The following DISP1 variants were observed in gnomAD, a reference collection of about 807,000 sequenced individuals.
The protein encoded by DISP1 is dispatched RND transporter family member 1, also known as protein dispatched homolog 1.
Under a neutral mutation model 37.3 loss-of-function variants are expected in DISP1, and 30 were observed. The observed-to-expected ratio is 0.80, with a 90% CI of 0.60 to 1.09. DISP1 has a LOEUF of 1.09. Among genes scored for constraint, DISP1 ranks in the 50% least tolerant of loss-of-function variants. The pLI, the probability that DISP1 is intolerant of heterozygous loss-of-function variation, is 0.00. For synonymous variants in DISP1, 634 were observed against 690.2 expected, an observed-to-expected ratio of 0.92 and a Z score of 1.28; for missense variants, 1,598 against 1,879.5, an observed-to-expected ratio of 0.85 and a Z score of 2.77.
At chr1:222,976,087 T>G (rs1391646132) in intron 3 of DISP1, among the ~76,000 whole-genome samples, 1 of 152,152 alleles carries the variant, frequency 6.6e-6, no homozygotes, top group Admixed American at 6.5e-5. Flanking sequence ...CACTGAAGAT[T>G]ATTGCTGCTT....
Position 223,004,527 on chromosome 1 carries a change from GTTGCCGTCGGCTTGTCTGTAGACT to G in DISP1, c.3139_3162del (p.Gly1047_Val1054del). ...TGTGTTGGAATCTGTCACCATTTCG[GTTGCCGTCGGCTTGTCTGTAGACT>G]TTGCCGTCCATTATGGGGTTGCCTA... On this transcript the variant is annotated inframe_deletion, in exon 9 of 9. Coordinates refer to ENST00000675850, the MANE Select transcript of DISP1 (RefSeq NM_001377229.1). The surrounding 1 kb of genome is among the most constrained non-coding windows in gnomAD (Gnocchi z 4.9). The G allele has an allele frequency of 6.2e-7, 1 of 1,614,200 alleles. No homozygotes were observed. Among genetic ancestry groups the G allele is most frequent in the Non-Finnish European group, 8.5e-7 (1 of 1,180,048 alleles).
At chr1:222,831,184 T>C (rs114089786) in intron 1 of DISP1, 455 of 152,356 alleles carry the variant, frequency 3.0e-3, no homozygotes, top group African/African-American at 0.01. Flanking sequence ...TTAATGGTTC[T>C]TTTAAAAACT....
At chr1:222,885,225 T>G (rs1251159893) in intron 1 of DISP1, among the ~76,000 whole-genome samples, 1 of 152,228 alleles carries the variant, frequency 6.6e-6, no homozygotes, top group Non-Finnish European at 1.5e-5. Flanking sequence ...CATTTGTTTA[T>G]GTAAGTATGG....
chr1:222,908,869 TAA>T (rs879270761), intron 1 of DISP1, among the ~76,000 whole-genome samples: 4 of 144,386 alleles, frequency 2.8e-5, no homozygotes, highest in Non-Finnish European at 3.1e-5. Context: ...ACTCTTTCAT[TAA>T]AAAAAAAAAA....
chr1:222,874,865 C>G (rs892140871), intron 1 of DISP1, among the ~76,000 whole-genome samples: 1 of 152,262 alleles, frequency 6.6e-6, no homozygotes, highest in African/African-American at 2.4e-5. Flanking sequence ...TTTTTCTCCT[C>G]TGTTTTTTCC....
chr1:222,842,967 G>A (rs889929489), intron 1 of DISP1, among the ~76,000 whole-genome samples: 9 of 152,010 alleles, frequency 5.9e-5, no homozygotes, highest in African/African-American at 9.6e-5. Context: ...TAGTTCATTC[G>A]TAGTTAATAA....
chr1:222,830,771 G>A (rs1455999529), intron 1 of DISP1, among the ~76,000 whole-genome samples: 2 of 152,196 alleles, frequency 1.3e-5, no homozygotes, highest in Admixed American at 6.5e-5. Flanking sequence ...GCCATTAGCA[G>A]TTAGCTTTTA....
chr1:222,964,059 G>T (rs1467300565), intron 3 of DISP1, among the ~76,000 whole-genome samples: 1 of 152,042 alleles, frequency 6.6e-6, no homozygotes, highest in Admixed American at 6.6e-5. Flanking sequence ...CCAGGACTTT[G>T]GGAGGCTGAG....
chr1:222,882,258 ACAAT>A (rs1558309663), intron 1 of DISP1, among the ~76,000 whole-genome samples: 3 of 152,206 alleles, frequency 2.0e-5, no homozygotes, highest in African/African-American at 4.8e-5. Flanking sequence ...ACTACAAAGA[ACAAT>A]CATTTTATTT....
At chr1:222,983,988 CT>C (rs1207696305) in intron 4 of DISP1, among the ~76,000 whole-genome samples, 2 of 152,138 alleles carry the variant, frequency 1.3e-5, no homozygotes, top group Admixed American at 1.3e-4. Context: ...AGCTCAAATG[CT>C]GATAACACTG....
Position 222,829,804 on chromosome 1 carries a change from A to G in DISP1, c.-159+14726A>G, listed in dbSNP as rs927462069. Among the ~76,000 whole-genome samples the G allele has an allele frequency of 4.3e-4, 66 of 152,160 alleles. 1 individual carries two copies. Among genetic ancestry groups the G allele is most frequent in the Non-Finnish European group, 1.9e-4 (13 of 68,030 alleles). ...ATTCTATATTTTTTCATATATTCTT[A>G]TATGATTACCTGCATAGGATACATG... On this transcript the variant is annotated intron_variant, in intron 1 of 8. Transcript: ENST00000675850.
chr1:222,946,548 T>C (rs561771606), intron 3 of DISP1, among the ~76,000 whole-genome samples: 96 of 152,330 alleles, frequency 6.3e-4, no homozygotes, highest in African/African-American at 2.1e-3. Context: ...CATTTACTTA[T>C]ATAATCCACA....
chr1:222,969,619 A>G (rs1315691519), intron 3 of DISP1, among the ~76,000 whole-genome samples: 1 of 152,022 alleles, frequency 6.6e-6, no homozygotes, highest in African/African-American at 2.4e-5. Flanking sequence ...ACATGTGGCT[A>G]CTAAAAATCA....
intron 1 of DISP1, among the ~76,000 whole-genome samples, chr1:222,863,254 C>T (rs1479854516): frequency 1.4e-5 from 2 of 141,844 alleles, no homozygotes; most frequent in African/African-American, 4.9e-5. Flanking sequence ...AAGGCGGTGG[C>T]TCATACCTGT....
In DISP1 at chr1:223,002,833, A is replaced by ACGG; in HGVS notation, c.1439_1441dup (p.Gly480dup). On this transcript the variant is annotated inframe_insertion, in exon 9 of 9. Transcript: ENST00000675850. The stretch of plus-strand genomic sequence containing the variant: ...AACTTTGAAAACTGGAACTCTTCTG[A>ACGG]CGGCGTGACTACCATCACCGGGATT... 1 of 1,613,992 alleles carries ACGG rather than the reference A, an allele frequency of 6.2e-7. No individual in the cohort carries two copies. The highest frequency in any genetic ancestry group is 8.5e-7 in the Non-Finnish European group (1 of 1,180,004).
At chr1:222,855,702 G>C (rs980604599) in intron 1 of DISP1, among the ~76,000 whole-genome samples, 1 of 152,154 alleles carries the variant, frequency 6.6e-6, no homozygotes, top group African/African-American at 2.4e-5. Flanking sequence ...TTTGCAGTGT[G>C]AAGTGGTTCC....
At chr1:222,859,954 T>C (rs1668778137) in intron 1 of DISP1, among the ~76,000 whole-genome samples, 1 of 152,244 alleles carries the variant, frequency 6.6e-6, no homozygotes, top group Admixed American at 6.5e-5. Flanking sequence ...TGTATCTTGT[T>C]GAGAAAAGGC....
chr1:222,916,499 C>G (rs1433937685), intron 1 of DISP1, among the ~76,000 whole-genome samples: 1 of 152,160 alleles, frequency 6.6e-6, no homozygotes, highest in African/African-American at 2.4e-5. Context: ...GCATGCCAAT[C>G]AATTGTAATG....
intron 1 of DISP1, among the ~76,000 whole-genome samples, chr1:222,818,843 T>A (rs1558274714): frequency 6.6e-6 from 1 of 152,266 alleles, no homozygotes; most frequent in Non-Finnish European, 1.5e-5. Flanking sequence ...ACCTGGGTGC[T>A]ATAACCTAAC....
Sources: allele counts gnomAD v4.1 joint callset (sites outside exome capture counted in the v4.1 genomes callset), GRCh38; gene constraint gnomAD v4.1.1; non-coding constraint Gnocchi (gnomAD v3.1); transcripts MANE v1.5; gene names NCBI Gene and HGNC (gene_info 2026-07-23, HGNC 2026-07-21).